Variants in NOX5 observed in about 807,000 individuals in gnomAD.
The protein encoded by NOX5 is NADPH oxidase 5.
Under a neutral mutation model 85.7 loss-of-function variants are expected in NOX5, and 76 were observed. The ratio of observed to expected loss-of-function variants is 0.89; its 90% CI spans 0.74 to 1.07. The LOEUF (loss-of-function observed/expected upper bound fraction) is 1.07. Ranked by LOEUF, NOX5 falls within the 50% of genes least tolerant of loss-of-function variation. The probability of loss-of-function intolerance (pLI) is 0.00; values close to 1 mark genes in which losing one functional copy is unlikely to be tolerated. For missense variants in NOX5, 973 were observed against 999.5 expected, an observed-to-expected ratio of 0.97 and a Z score of 0.36; for synonymous variants, 405 against 401.4, an observed-to-expected ratio of 1.01 and a Z score of -0.11.
chr15:69,015,870 C>T lies in NOX5; in HGVS notation c.50+1085C>T, dbSNP rs139364096. Among the ~76,000 whole-genome samples, 511 of 135,926 alleles carry T rather than the reference C, an allele frequency of 3.8e-3. 3 individuals are homozygous for T. Among genetic ancestry groups the T allele is most frequent in the African/African-American group, 0.014 (493 of 35,058 alleles). 89.2% of individuals were successfully genotyped at this position (135,926 alleles called of 152,430 possible). A position where few individuals can be genotyped will look rare whatever the true frequency, so the allele number is the denominator to read the frequency against. ...AGGCACTCGAAGCTTGGAGTCTGCA[C>T]AGGCAGTGAACGCCCATCAGTGAAG... On this transcript the variant is annotated intron_variant, in intron 1 of 15. Coordinates refer to ENST00000388866, the MANE Select transcript of NOX5 (RefSeq NM_024505.4).
chr15:69,049,356 AT>A (rs993739518), intron 14 of NOX5, among the ~76,000 whole-genome samples: 65 of 147,572 alleles, frequency 4.4e-4, no homozygotes, highest in Middle Eastern at 6.9e-3. Context: ...ACTTCCGCTA[AT>A]TTTTTTTTTT....
At position 69,031,711 on chromosome 15, in the gene NOX5, CT is replaced by C; in HGVS notation, c.521del (p.Phe174SerfsTer31). The C allele has an allele frequency of 6.2e-7, 1 of 1,613,174 alleles. No homozygotes were observed. The highest frequency in any genetic ancestry group is 1.7e-5 in the Admixed American group (1 of 59,982). The part of the protein sequence containing the change: ...EKLDQLTLAL[F>X]ESADADGNGA... ...AGCTGGACCAGCTGACGCTGGCGCT[CT>C]TCGAATCGGCCGACGCGGACGGCAA... is the stretch of plus-strand genomic sequence containing the variant. On this transcript the variant is annotated frameshift_variant, in exon 4 of 16. Coordinates refer to ENST00000388866, the MANE Select transcript of NOX5 (RefSeq NM_024505.4). LOFTEE classifies it high-confidence loss of function.
chr15:69,018,602 G>A (rs891725633), intron 1 of NOX5, among the ~76,000 whole-genome samples: 17 of 150,744 alleles, frequency 1.1e-4, no homozygotes, highest in Non-Finnish European at 2.1e-4. Context: ...TTCAGAGGGC[G>A]GATTCTCATC....
chr15:69,051,060 C>G (rs2050742375), intron 14 of NOX5, among the ~76,000 whole-genome samples: 1 of 152,142 alleles, frequency 6.6e-6, no homozygotes, highest in African/African-American at 2.4e-5. Flanking sequence ...CTCCCTGCCT[C>G]CCCTCCTCCC....
In NOX5 at chr15:69,048,823, T is replaced by C. The variant is rs2050709298; in HGVS notation, c.1900-136T>C. The C allele has an allele frequency of 6.9e-6, 4 of 576,208 alleles. No homozygotes were observed. In the East Asian group the frequency reaches 9.1e-5, roughly 13 times the overall value. The allele number at this position is 576,208 out of a possible 1,614,324, so 35.7% of individuals were successfully genotyped here. ...CTGCTCACCTCTATGAGCCTTGATT[T>C]TTCCCTCCCTTAAATGGGTATCTGA... On this transcript the variant is annotated intron_variant, in intron 13 of 15. Transcript: ENST00000388866.
rs905770041 is a variant in NOX5 at position 69,062,062 on chromosome 15, A to T, written c.*5366A>T. ...CTTGGCGTGTTTCATGAATGTTTCC[A>T]CTGCTATGGTCTGTTTCAGCTGGTG... On this transcript the variant is annotated 3_prime_UTR_variant, in exon 16 of 16. Coordinates refer to ENST00000388866, the MANE Select transcript of NOX5 (RefSeq NM_024505.4). 28 of 152,062 alleles carry T rather than the reference A, an allele frequency of 1.8e-4. No homozygotes were observed. The highest frequency in any genetic ancestry group is 6.5e-4 in the African/African-American group (27 of 41,406). 9.4% of individuals were successfully genotyped at this position (152,062 alleles called of 1,614,324 possible). A position where few individuals can be genotyped will look rare whatever the true frequency, so the allele number is the denominator to read the frequency against.
chr15:69,047,418 C>A lies in NOX5; in HGVS notation c.1698C>A (p.Tyr566Ter). ...EKHKFCNIKC[Y>*]IDGPYGTPTR... The stretch of plus-strand genomic sequence containing the variant: ...TGATGCCCTCTTGTGCACAGTGCTA[C>A]ATCGATGGGCCTTATGGGACCCCCA... The change falls in exon 12 of 16, where the codon TAC (tyrosine) becomes TAA (stop). Residue 566 changes from tyrosine to a stop codon, truncating the protein, a stop_gained. Coordinates refer to ENST00000388866, the MANE Select transcript of NOX5 (RefSeq NM_024505.4). LOFTEE classifies it high-confidence loss of function. 1 of 1,613,032 alleles carries A rather than the reference C, an allele frequency of 6.2e-7. No homozygotes were observed. Among genetic ancestry groups the A allele is most frequent in the Non-Finnish European group, 8.5e-7 (1 of 1,179,632 alleles).
rs1391366259 is a variant in NOX5, at chr15:69,062,288, A to G, written c.*5592A>G. ...CTGGAGAAAGGAAGACCAGTTAGCC[A>G]GAAAGGAAGCTTGGAAGACCACCCA... On this transcript the variant is annotated 3_prime_UTR_variant, in exon 16 of 16. Coordinates refer to ENST00000388866, the MANE Select transcript of NOX5 (RefSeq NM_024505.4). 1.3e-5 allele frequency: 2 copies of G among 151,850 alleles called. No individual in the cohort carries two copies. The highest frequency in any genetic ancestry group is 1.3e-4 in the Admixed American group (2 of 15,264). 9.4% of individuals were successfully genotyped at this position (151,850 alleles called of 1,614,324 possible). A position where few individuals can be genotyped will look rare whatever the true frequency, so the allele number is the denominator to read the frequency against.
intron 1 of NOX5, among the ~76,000 whole-genome samples, chr15:69,017,896 C>G (rs1261219930): frequency 1.3e-5 from 2 of 151,900 alleles, no homozygotes; most frequent in Non-Finnish European, 2.9e-5. Context: ...ACAGGATCAC[C>G]CAGCAGGCAC....
At chr15:69,051,911 T>A (rs1240788696) in intron 14 of NOX5, among the ~76,000 whole-genome samples, 3 of 152,178 alleles carry the variant, frequency 2.0e-5, no homozygotes, top group African/African-American at 7.2e-5. Context: ...TCCCTTCTTT[T>A]ATACTTTTAT....
chr15:69,024,031 C>T (rs2050326551), intron 1 of NOX5: 1 of 154,610 alleles, frequency 6.5e-6, no homozygotes, highest in African/African-American at 2.4e-5. Context: ...TACTGTGGCT[C>T]CCCAATATGT....
At chr15:69,025,924 G>A (rs1167194555) in intron 1 of NOX5, among the ~76,000 whole-genome samples, 1 of 152,218 alleles carries the variant, frequency 6.6e-6, no homozygotes, top group Admixed American at 6.5e-5. Context: ...CCTGAGGGCT[G>A]AATCCTGGCT....
intron 14 of NOX5, among the ~76,000 whole-genome samples, chr15:69,050,535 C>T (rs1340845185): frequency 2.0e-5 from 3 of 152,128 alleles, no homozygotes; most frequent in Non-Finnish European, 2.9e-5. Context: ...GGATTACAAG[C>T]GCCCGCCTCC....
At chr15:69,047,353 G>A (rs1567106124) in intron 11 of NOX5, 60 bp from the exon 12 acceptor site, 13 of 1,487,650 alleles carry the variant, frequency 8.7e-6, no homozygotes, top group Non-Finnish European at 1.1e-5. Flanking sequence ...ACATCCCCTG[G>A]TAGCAGGGGA....
Position 69,040,699 on chromosome 15 carries a change from C to CT in NOX5, c.1504+1720dup, listed in dbSNP as rs200751748. ...CCAAACTTGTTATATTTCACCAGTT[C>CT]TTTTTTTTTTAGAGTCTCATTCTGT... On this transcript the variant is annotated intron_variant, in intron 9 of 15. Transcript: ENST00000388866. 6.8e-3 allele frequency among the ~76,000 whole-genome samples: 1,005 copies of CT among 148,250 alleles called. 19 individuals carry two copies. The highest frequency in any genetic ancestry group is 0.023 in the African/African-American group (940 of 40,602).
intron 1 of NOX5, chr15:69,023,529 G>A (rs898028077): frequency 3.1e-6 from 1 of 323,814 alleles, no homozygotes; most frequent in Non-Finnish European, 5.9e-6. Context: ...TGTTTCAGCA[G>A]TGTGTCGGTC....
intron 1 of NOX5, chr15:69,023,052 G>T: frequency 6.6e-6 from 3 of 452,466 alleles, no homozygotes; most frequent in Admixed American, 2.6e-5. Flanking sequence ...GGGGTACTTT[G>T]CATCAACTGG....
Position 69,028,330 on chromosome 15 carries a change from A to G in NOX5, c.290A>G (p.Lys97Arg), listed in dbSNP as rs36036826. The G allele has an allele frequency of 6.2e-7, 1 of 1,611,658 alleles. No homozygotes were observed. Among genetic ancestry groups the G allele is most frequent in the South Asian group, 1.1e-5 (1 of 90,678 alleles). The stretch of plus-strand genomic sequence containing the variant: ...CTCATCCATGGCAGCCCCATGGACA[A>G]ACTCAAATTCCTCTTCCAGGTGTAT... Reference protein sequence around the residue: ...TLLIHGSPMDKLKFLFQVYDI... With the variant: ...TLLIHGSPMDRLKFLFQVYDI... Residue 97 changes from lysine to arginine, a missense_variant, in exon 3 of 16, where the codon AAA (lysine) becomes AGA (arginine). By Grantham distance (26) the Lys-to-Arg change is conservative. Transcript: ENST00000388866.
chr15:69,045,274 C>A (rs2050647193), intron 10 of NOX5, among the ~76,000 whole-genome samples: 1 of 152,204 alleles, frequency 6.6e-6, no homozygotes, highest in South Asian at 2.1e-4. Flanking sequence ...TCTTACATCC[C>A]AACATTACTT....
Sources: gnomAD v4.1 joint callset for allele counts (sites outside exome capture counted in the v4.1 genomes callset) on GRCh38, gnomAD v4.1.1 for gene constraint, MANE v1.5 for transcripts, NCBI Gene and HGNC (gene_info 2026-07-23, HGNC 2026-07-21) for gene names.